TTPA: variants seen among roughly 807,000 people sequenced by gnomAD.
TTPA encodes alpha tocopherol transfer protein.
TTPA carries 23 observed loss-of-function variants against 25.9 expected under a neutral mutation model. The ratio of observed to expected loss-of-function variants is 0.89; its 90% CI spans 0.64 to 1.26. The LOEUF is 1.26. Among genes scored for constraint, TTPA ranks in the 50% most tolerant of loss-of-function variants. The pLI, the probability that TTPA is intolerant of heterozygous loss-of-function variation, is 0.00. For missense variants in TTPA, 337 were observed against 353.1 expected, an observed-to-expected ratio of 0.95 and a Z score of 0.37; for synonymous variants, 148 against 137.3, an observed-to-expected ratio of 1.08 and a Z score of -0.54.
intron 1 of TTPA, among the ~76,000 whole-genome samples, chr8:63,085,432 G>A (rs2129794272): frequency 6.6e-6 from 1 of 152,332 alleles, no homozygotes; most frequent in East Asian, 1.9e-4. Flanking sequence ...TGATAAGTCT[G>A]AGCTTCCAAC....
rs1805652765 is a variant in TTPA at position 63,080,847 on chromosome 8, T to C, written c.204+4971A>G. On this transcript the variant is annotated intron_variant, in intron 1 of 4. Coordinates refer to ENST00000260116, the MANE Select transcript of TTPA (RefSeq NM_000370.3). ...CGATCCCACAAAATACAAACTGCCATCAGAGAATACTATAAACACCTCTAT... is the reference window on the plus strand; with the variant it reads ...CGATCCCACAAAATACAAACTGCCACCAGAGAATACTATAAACACCTCTAT... 2.0e-5 allele frequency among the ~76,000 whole-genome samples: 3 copies of C among 151,338 alleles called. No individual in the cohort carries two copies. In the South Asian group the frequency reaches 6.2e-4, roughly 31 times the overall value.
At chr8:63,069,020 T>G in intron 2 of TTPA, among the ~76,000 whole-genome samples, 1 of 152,034 alleles carries the variant, frequency 6.6e-6, no homozygotes, top group East Asian at 1.9e-4. Flanking sequence ...CTGGGCATAG[T>G]GACACACACC....
chr8:63,080,286 C>G (rs1805639078), intron 1 of TTPA, among the ~76,000 whole-genome samples: 1 of 152,088 alleles, frequency 6.6e-6, no homozygotes, highest in Non-Finnish European at 1.5e-5. Flanking sequence ...CAAACAAATT[C>G]AAAAGCTAGC....
At chr8:63,077,777 G>A (rs887590453) in intron 1 of TTPA, among the ~76,000 whole-genome samples, 28 of 152,182 alleles carry the variant, frequency 1.8e-4, no homozygotes, top group Non-Finnish European at 4.4e-5. Context: ...AGACTTAAAC[G>A]TCCCTGTCTG....
rs147317779 is a variant in TTPA at position 63,084,038 on chromosome 8, C to T, written c.204+1780G>A. On this transcript the variant is annotated intron_variant, in intron 1 of 4. Transcript: ENST00000260116. The stretch of plus-strand genomic sequence containing the variant: ...TAGCTGGGATTACATGCACGTGCCA[C>T]CACACCTGGCTAATTTTTGTTATTT... Among the ~76,000 whole-genome samples, 366 of 152,092 alleles carry T rather than the reference C, an allele frequency of 2.4e-3. 1 individual carries two copies. Among genetic ancestry groups the T allele is most frequent in the African/African-American group, 8.4e-3 (350 of 41,496 alleles).
chr8:63,066,987 A>T (rs1479384829), intron 2 of TTPA, among the ~76,000 whole-genome samples: 1 of 151,528 alleles, frequency 6.6e-6, no homozygotes, highest in African/African-American at 2.4e-5. Flanking sequence ...AGGTGGGGGG[A>T]GGGGGAACAC....
intron 1 of TTPA, among the ~76,000 whole-genome samples, chr8:63,073,870 T>C (rs1805519229): frequency 6.6e-6 from 1 of 152,192 alleles, no homozygotes; most frequent in Admixed American, 6.5e-5. Flanking sequence ...TGTCAAAATA[T>C]GGTCTGAAGA....
At chr8:63,078,135 G>A (rs1278643200) in intron 1 of TTPA, among the ~76,000 whole-genome samples, 2 of 152,124 alleles carry the variant, frequency 1.3e-5, no homozygotes, top group Non-Finnish European at 2.9e-5. Flanking sequence ...CAGGAATAGC[G>A]CCAACATCAA....
chr8:63,072,083 C>T (rs1412117819), intron 2 of TTPA, among the ~76,000 whole-genome samples: 1 of 152,136 alleles, frequency 6.6e-6, no homozygotes, highest in East Asian at 1.9e-4. Flanking sequence ...GAGAATGAGC[C>T]TCTTGCTCCT....
At chr8:63,077,316 T>A (rs1380681418) in intron 1 of TTPA, among the ~76,000 whole-genome samples, 1 of 152,164 alleles carries the variant, frequency 6.6e-6, no homozygotes, top group African/African-American at 2.4e-5. Context: ...GGTTGGACAG[T>A]GGGTGCAGCC....
chr8:63,081,747 G>A (rs868850669), intron 1 of TTPA, among the ~76,000 whole-genome samples: 3 of 152,234 alleles, frequency 2.0e-5, no homozygotes, highest in East Asian at 1.9e-4. Flanking sequence ...AAACCCCATC[G>A]TCTCAACCCA....
At position 63,060,948 on chromosome 8, in the gene TTPA, C is replaced by A; in HGVS notation, c.*304G>T. 1 of 250,130 alleles carries A rather than the reference C, an allele frequency of 4.0e-6. No homozygotes were observed. The allele number at this position is 250,130 out of a possible 1,614,324, so 15.5% of individuals were successfully genotyped here. A position where few individuals can be genotyped will look rare whatever the true frequency, so the allele number is the denominator to read the frequency against. On this transcript the variant is annotated 3_prime_UTR_variant, in exon 5 of 5. Coordinates refer to ENST00000260116, the MANE Select transcript of TTPA (RefSeq NM_000370.3). ...TAAAATATAACTTTCTAGAAACATA[C>A]AAAGATGCACATGAGCAGCTACTTT... is the stretch of plus-strand genomic sequence containing the variant.
At chr8:63,075,698 CA>C (rs751066913) in intron 1 of TTPA, among the ~76,000 whole-genome samples, 5,881 of 56,998 alleles carry the variant, frequency 0.1, 120 homozygotes, top group East Asian at 0.38. Context: ...GACTCCGTCT[CA>C]AAAAAAAAAA....
intron 1 of TTPA, among the ~76,000 whole-genome samples, chr8:63,080,506 C>T (rs1045966028): frequency 4.6e-5 from 7 of 152,004 alleles, no homozygotes; most frequent in Admixed American, 3.9e-4. Flanking sequence ...CGGATCACGA[C>T]GTCGGGAGAT....
Position 63,086,026 on chromosome 8 carries a change from G to A in TTPA, c.-5C>T, listed in dbSNP as rs1352104976. On this transcript the variant is annotated 5_prime_UTR_variant, in exon 1 of 5. Transcript: ENST00000260116. The stretch of plus-strand genomic sequence containing the variant: ...CTGGGATCGCGCCTCTGCCATGCCC[G>A]CCGCCGCTGCTGCGGCCGCAGCTAC... The A allele has an allele frequency of 9.2e-6, 13 of 1,416,884 alleles. No homozygotes were observed. The highest frequency in any genetic ancestry group is 2.5e-4 in the Middle Eastern group (1 of 3,948). 87.8% of individuals were successfully genotyped at this position (1,416,884 alleles called of 1,614,324 possible). A position where few individuals can be genotyped will look rare whatever the true frequency, so the allele number is the denominator to read the frequency against.
intron 1 of TTPA, among the ~76,000 whole-genome samples, chr8:63,073,779 T>A (rs991485099): frequency 2.0e-5 from 3 of 152,210 alleles, no homozygotes; most frequent in African/African-American, 7.2e-5. Context: ...CCACTTTTAG[T>A]ATTTTTTGAA....
intron 4 of TTPA, among the ~76,000 whole-genome samples, chr8:63,063,545 TAA>T (rs1805342520): frequency 1.3e-5 from 2 of 152,272 alleles, no homozygotes; most frequent in East Asian, 3.9e-4. Context: ...CAAAACAAGA[TAA>T]AAGATACACA....
At chr8:63,083,952 T>G (rs903900057) in intron 1 of TTPA, among the ~76,000 whole-genome samples, 1 of 151,430 alleles carries the variant, frequency 6.6e-6, no homozygotes, top group Admixed American at 6.6e-5. Context: ...TAGCACAATC[T>G]CGGCTCTCTG....
intron 1 of TTPA, among the ~76,000 whole-genome samples, chr8:63,083,286 A>C (rs1298961883): frequency 6.6e-6 from 1 of 152,202 alleles, no homozygotes. Flanking sequence ...GCACATATAC[A>C]CCATGTAATA....
Sources: allele counts gnomAD v4.1 joint callset (sites outside exome capture counted in the v4.1 genomes callset), GRCh38; gene constraint gnomAD v4.1.1; transcripts MANE v1.5; gene names NCBI Gene and HGNC (gene_info 2026-07-23, HGNC 2026-07-21).